The following CDK8 variants were observed in gnomAD, a reference collection of about 807,000 sequenced individuals.
CDK8 encodes the protein cyclin dependent kinase 8.
Under a neutral mutation model 71.5 loss-of-function variants are expected in CDK8, and 29 were observed. That is an observed-to-expected ratio of 0.41 (90% CI 0.30 to 0.55). CDK8 has a LOEUF of 0.55. Ranked by LOEUF, CDK8 falls within the 20% of genes least tolerant of loss-of-function variation. The probability of loss-of-function intolerance (pLI) is 0.37; values close to 1 mark genes in which losing one functional copy is unlikely to be tolerated. For synonymous variants in CDK8, 161 were observed against 192.1 expected (o/e 0.84, Z 1.34); for missense variants, 288 against 572.6 (o/e 0.50, Z 5.07).
At chr13:26,342,523 A>G (rs770050499) in intron 2 of CDK8, among the ~76,000 whole-genome samples, 1 of 152,176 alleles carries the variant, frequency 6.6e-6, no homozygotes, top group Non-Finnish European at 1.5e-5. Flanking sequence ...AAAATGGGAC[A>G]GTGCCTGGCG....
chr13:26,355,265 C>T (rs1246992562), intron 4 of CDK8, among the ~76,000 whole-genome samples: 1 of 152,206 alleles, frequency 6.6e-6, no homozygotes, highest in Non-Finnish European at 1.5e-5. Flanking sequence ...TTTGGTTGAA[C>T]TTGTTTCTTT....
At chr13:26,314,369 A>C (rs1265722269) in intron 1 of CDK8, among the ~76,000 whole-genome samples, 1 of 152,212 alleles carries the variant, frequency 6.6e-6, no homozygotes, top group Non-Finnish European at 1.5e-5. Flanking sequence ...CTTTGCTTTT[A>C]GCTCAATTTA....
At chr13:26,263,126 G>GT (rs1414537122) in intron 1 of CDK8, among the ~76,000 whole-genome samples, 9 of 150,318 alleles carry the variant, frequency 6.0e-5, no homozygotes, top group South Asian at 2.1e-4. Context: ...GAAGGAGTAG[G>GT]TTTTTTTTGT....
At chr13:26,282,294 A>G (rs1410266204) in intron 1 of CDK8, among the ~76,000 whole-genome samples, 2 of 152,190 alleles carry the variant, frequency 1.3e-5, no homozygotes, top group Non-Finnish European at 2.9e-5. Context: ...AAACAAAGGA[A>G]AGAATCTTAA....
At chr13:26,375,317 C>G (rs17083956) in intron 4 of CDK8, among the ~76,000 whole-genome samples, 10,058 of 152,168 alleles carry the variant, frequency 0.066, 365 homozygotes, top group South Asian at 0.14. Flanking sequence ...AAACAAAACA[C>G]GAAAATCTCT....
chr13:26,266,823 T>C (rs1340089327), intron 1 of CDK8, among the ~76,000 whole-genome samples: 1 of 152,222 alleles, frequency 6.6e-6, no homozygotes, highest in Admixed American at 6.5e-5. Context: ...TTATTTATTT[T>C]GTACTCCATG....
At chr13:26,255,062 C>T (rs763050525) in intron 1 of CDK8, among the ~76,000 whole-genome samples, 7 of 151,876 alleles carry the variant, frequency 4.6e-5, no homozygotes, top group Non-Finnish European at 5.9e-5. Flanking sequence ...TGAAAAAATT[C>T]GTTCTAAAAC....
intron 6 of CDK8, 37 bp from the exon 7 acceptor site, chr13:26,393,330 A>C: frequency 7.4e-7 from 1 of 1,353,246 alleles, no homozygotes; most frequent in Non-Finnish European, 1.0e-6. Flanking sequence ...TTCCTTGCCT[A>C]TTTTTCTTTC....
chr13:26,349,265 A>T, intron 3 of CDK8, 83 bp downstream of exon 3: 1 of 758,608 alleles, frequency 1.3e-6, no homozygotes, highest in Non-Finnish European at 2.3e-6. Flanking sequence ...TCTGCTTATT[A>T]TGAGACTTAT....
At chr13:26,325,533 A>G (rs1874977497) in intron 1 of CDK8, among the ~76,000 whole-genome samples, 2 of 152,226 alleles carry the variant, frequency 1.3e-5, no homozygotes, top group Non-Finnish European at 2.9e-5. Context: ...CAGATGAAGT[A>G]TGAGGTATCT....
chr13:26,332,447 T>C (rs1797061734), intron 1 of CDK8, among the ~76,000 whole-genome samples: 1 of 151,576 alleles, frequency 6.6e-6, no homozygotes, highest in Non-Finnish European at 1.5e-5. Context: ...ATCATGCCAC[T>C]GCACTCCAGC....
intron 1 of CDK8, among the ~76,000 whole-genome samples, chr13:26,317,348 G>A (rs1452740278): frequency 6.6e-6 from 1 of 152,048 alleles, no homozygotes; most frequent in Non-Finnish European, 1.5e-5. Flanking sequence ...GGGAGAGATA[G>A]ACAGTTCTGT....
chr13:26,326,866 G>A (rs902627584), intron 1 of CDK8, among the ~76,000 whole-genome samples: 6 of 152,236 alleles, frequency 3.9e-5, no homozygotes, highest in African/African-American at 9.6e-5. Flanking sequence ...AGATTCAGCA[G>A]CCCTGGAAAG....
In CDK8 at chr13:26,287,662, G is replaced by A. The variant is rs1161998697; in HGVS notation, c.128+32893G>A. The stretch of plus-strand genomic sequence containing the variant: ...TGGGTGCATCAAAATCTCAGAAATC[G>A]CCATTAAAGAACTTTTCCATGCAAC... On this transcript the variant is annotated intron_variant, in intron 1 of 12. Transcript: ENST00000381527. 2.6e-5 allele frequency among the ~76,000 whole-genome samples: 4 copies of A among 152,058 alleles called. No homozygotes were observed. In the East Asian group the frequency reaches 5.8e-4, roughly 22 times the overall value.
chr13:26,358,578 T>C (rs962081605), intron 4 of CDK8, among the ~76,000 whole-genome samples: 1 of 152,206 alleles, frequency 6.6e-6, no homozygotes, highest in African/African-American at 2.4e-5. Flanking sequence ...GAAAACACTG[T>C]GGCAGTTTTT....
intron 1 of CDK8, among the ~76,000 whole-genome samples, chr13:26,314,529 T>C (rs775475741): frequency 8.5e-5 from 13 of 152,240 alleles, no homozygotes; most frequent in African/African-American, 2.2e-4. Context: ...CAAACAGATA[T>C]GTAATTGCAG....
At chr13:26,370,639 C>T (rs1375194072) in intron 4 of CDK8, among the ~76,000 whole-genome samples, 3 of 152,124 alleles carry the variant, frequency 2.0e-5, no homozygotes, top group Non-Finnish European at 4.4e-5. Flanking sequence ...AGTCACGATA[C>T]AGGATTGATT....
At chr13:26,335,308 T>G (rs1022655840) in intron 1 of CDK8, among the ~76,000 whole-genome samples, 1 of 152,226 alleles carries the variant, frequency 6.6e-6, no homozygotes, top group African/African-American at 2.4e-5. Flanking sequence ...CTAAATTCAG[T>G]AGATACTTTA....
At chr13:26,313,604 A>G (rs1247856292) in intron 1 of CDK8, among the ~76,000 whole-genome samples, 1 of 152,218 alleles carries the variant, frequency 6.6e-6, no homozygotes, top group Non-Finnish European at 1.5e-5. Flanking sequence ...GTAGCCAGCT[A>G]TGCTTGGGAG....
Sources: allele counts gnomAD v4.1 joint callset (sites outside exome capture counted in the v4.1 genomes callset), GRCh38; gene constraint gnomAD v4.1.1; transcripts MANE v1.5; gene names NCBI Gene and HGNC (gene_info 2026-07-23, HGNC 2026-07-21).